Variants in NARS1 observed in about 807,000 individuals in gnomAD.
The protein encoded by NARS1 is asparagine--tRNA ligase, cytoplasmic.
A neutral mutation model predicts 79.2 loss-of-function variants in NARS1; 65 were observed. The ratio of observed to expected loss-of-function variants is 0.82; its 90% CI spans 0.67 to 1.01. The LOEUF (loss-of-function observed/expected upper bound fraction) is 1.01, where lower values mean the gene tolerates loss of function less well. NARS1 is among the 50% of genes least tolerant of loss of function. The pLI, the probability that NARS1 is intolerant of heterozygous loss-of-function variation, is 0.00. For synonymous variants in NARS1, 229 were observed against 238.8 expected (o/e 0.96, Z 0.38); for missense variants, 649 against 673.8 (o/e 0.96, Z 0.41).
chr18:57,606,531 CA>C, intron 10 of NARS1, 84 bp downstream of exon 10: 1 of 1,375,382 alleles, frequency 7.3e-7, no homozygotes, highest in Non-Finnish European at 1.0e-6. Flanking sequence ...ACCAAGCCAT[CA>C]AATCTACAAA....
At chr18:57,602,609 T>C (rs1312247333) in intron 12 of NARS1, 123 bp from the exon 13 acceptor site, 1 of 1,272,076 alleles carries the variant, frequency 7.9e-7, no homozygotes, top group African/African-American at 1.5e-5. Context: ...TATGATCATG[T>C]AATATTCAAA....
chr18:57,605,900 T>C lies in NARS1; in HGVS notation c.1208A>G (p.His403Arg), dbSNP rs756370846. The change falls in exon 11 of 14, where the codon CAT becomes CGT. Residue 403 changes from histidine to arginine, a missense_variant. Physicochemically the swap from His to Arg is conservative, Grantham distance 29. Transcript: ENST00000256854. ...AGTTCCATCTTCTTTCTTTACATCATGTTCTTTTAGCCAAACGATAGCATC... is the reference window on the plus strand; with the variant it reads ...AGTTCCATCTTCTTTCTTTACATCACGTTCTTTTAGCCAAACGATAGCATC... ...YSDAIVWLKE[H>R]DVKKEDGTFY... 18 of 1,613,110 alleles carry C rather than the reference T, an allele frequency of 1.1e-5. No homozygotes were observed. The highest frequency in any genetic ancestry group is 2.7e-5 in the African/African-American group (2 of 74,930).
In NARS1 at chr18:57,607,184, A is replaced by C. The variant is rs1398427098; in HGVS notation, c.951T>G (p.Ile317Met). 8 of 1,614,022 alleles carry C rather than the reference A, an allele frequency of 5.0e-6. No individual in the cohort carries two copies. The highest frequency in any genetic ancestry group is 6.8e-6 in the Non-Finnish European group (8 of 1,180,034). The part of the protein sequence containing the change: ...CLPALGDVFC[I>M]AQSYRAEQSR... ...ACTGCTCTGCCCGGTATGACTGAGC[A>C]ATACAAAAAACATCTCCCAGGGCTG... The change falls in exon 9 of 14, where the codon ATT becomes ATG. Residue 317 changes from isoleucine to methionine, a missense_variant. Physicochemically the swap from Ile to Met is conservative, Grantham distance 10 (BLOSUM62 1). Transcript: ENST00000256854.
At chr18:57,616,769 G>A (rs1043665852) in intron 2 of NARS1, among the ~76,000 whole-genome samples, 2 of 151,562 alleles carry the variant, frequency 1.3e-5, no homozygotes, top group East Asian at 1.9e-4. Context: ...CTGGGGGGCC[G>A]AGGAGGGAGG....
chr18:57,620,572 T>C lies in NARS1; in HGVS notation c.90A>G (p.Leu30=). The C allele has an allele frequency of 6.2e-7, 1 of 1,608,158 alleles. No individual in the cohort carries two copies. Among genetic ancestry groups the C allele is most frequent in the Non-Finnish European group, 8.5e-7 (1 of 1,175,178 alleles). The part of the protein sequence containing the change: ...GTKEKPFKTG[L]KALMTVGKEP... ...TCCTAATGAGAAGAGACTCTACCTT[T>C]AGACCTGTTTTAAATGGTTTCTCCT... The change falls in exon 2 of 14, where the codon CTA becomes CTG. Residue 30 remains leucine, a synonymous_variant. Coordinates refer to ENST00000256854, the MANE Select transcript of NARS1 (RefSeq NM_004539.4).
In NARS1 at chr18:57,606,763, G is replaced by C. The variant is rs775620989; in HGVS notation, c.1002-12C>G. 2 of 1,613,972 alleles carry C rather than the reference G, an allele frequency of 1.2e-6. No individual in the cohort carries two copies. Among genetic ancestry groups the C allele is most frequent in the African/African-American group, 2.7e-5 (2 of 74,908 alleles). ...CCACGTGAGTGTACCTGAAGAACGA[G>C]ACAATAGCTCAGCACTGCTTTTCTC... On this transcript the variant is annotated splice_polypyrimidine_tract_variant and intron_variant, in intron 9 of 13. Transcript: ENST00000256854.
intron 2 of NARS1, among the ~76,000 whole-genome samples, chr18:57,619,121 T>C (rs576059120): frequency 2.2e-4 from 33 of 152,134 alleles, no homozygotes; most frequent in African/African-American, 7.0e-4. Context: ...GAAGGAACTT[T>C]TTTGTTGTTG....
chr18:57,619,073 G>A (rs1264075063), intron 2 of NARS1, among the ~76,000 whole-genome samples: 2 of 152,068 alleles, frequency 1.3e-5, no homozygotes, highest in African/African-American at 4.8e-5. Context: ...CACAGAAAAA[G>A]GAGTGTCAAG....
chr18:57,621,792 C>G lies in NARS1; in HGVS notation c.-75G>C, dbSNP rs536793334. On this transcript the variant is annotated 5_prime_UTR_variant, in exon 1 of 14. Transcript: ENST00000256854. Reference sequence around the variant, plus strand: ...GCCGTCTTATGACTCCAACGTGCACCGGCGGTTTCCGCGATTCCGGCGTTG... The same window carrying G: ...GCCGTCTTATGACTCCAACGTGCACGGGCGGTTTCCGCGATTCCGGCGTTG... 1.2e-4 allele frequency: 197 copies of G among 1,608,954 alleles called. 1 individual carries two copies. The East Asian group carries it at 4.0e-3, about 33-fold the overall frequency.
chr18:57,616,024 T>A (rs937401764), intron 2 of NARS1, 49 bp from the exon 3 acceptor site: 1 of 1,473,710 alleles, frequency 6.8e-7, no homozygotes, highest in Non-Finnish European at 9.1e-7. Flanking sequence ...TGTACAATAC[T>A]TAAAATCAAA....
chr18:57,609,521 G>A, intron 6 of NARS1, 78 bp from the exon 7 acceptor site: 3 of 1,163,858 alleles, frequency 2.6e-6, no homozygotes, highest in Non-Finnish European at 3.8e-6. Context: ...TAAAGGGATT[G>A]TTTACAAACA....
chr18:57,612,606 T>C lies in NARS1; in HGVS notation c.422-899A>G, dbSNP rs369337556. 5.3e-5 allele frequency among the ~76,000 whole-genome samples: 8 copies of C among 152,274 alleles called. No individual in the cohort carries two copies. The East Asian group carries it at 1.2e-3, about 22-fold the overall frequency. On this transcript the variant is annotated intron_variant, in intron 5 of 13. Coordinates refer to ENST00000256854, the MANE Select transcript of NARS1 (RefSeq NM_004539.4). ...GCTCACAACCACACCCAGCTAATTT[T>C]TGTATTTTTATTAGAGAAGAGGTTT...
intron 10 of NARS1, 64 bp downstream of exon 10, chr18:57,606,552 T>C (rs369913400): frequency 6.6e-7 from 1 of 1,512,272 alleles, no homozygotes; most frequent in Non-Finnish European, 9.0e-7. Flanking sequence ...AAACTGAGGG[T>C]GAAGACTTCA....
chr18:57,615,595 C>T, intron 4 of NARS1, 46 bp downstream of exon 4: 1 of 1,328,040 alleles, frequency 7.5e-7, no homozygotes, highest in Non-Finnish European at 1.1e-6. Context: ...AAATAATGAT[C>T]TGATGTAGCC....
In NARS1 at chr18:57,606,678, A is replaced by C; in HGVS notation, c.1075T>G (p.Cys359Gly). 6.2e-7 allele frequency: 1 copy of C among 1,614,162 alleles called. No individual in the cohort carries two copies. Among genetic ancestry groups the C allele is most frequent in the Non-Finnish European group, 8.5e-7 (1 of 1,180,018 alleles). ...TTCAATATTCGATCTACCACATCAC[A>C]AACCAAGTCCTCCAACCGGTTCAGG... ...DLLNRLEDLV[C>G]DVVDRILKSP... Residue 359 changes from cysteine (C) to glycine (G), a missense_variant, in exon 10 of 14, where the codon TGT (cysteine) becomes GGT (glycine). Cys to Gly is a radical substitution (Grantham distance 159). Transcript: ENST00000256854.
At chr18:57,606,571 CA>C in intron 10 of NARS1, 44 bp downstream of exon 10, 1 of 1,574,708 alleles carries the variant, frequency 6.4e-7, no homozygotes, top group Non-Finnish European at 8.7e-7. Context: ...CATTGTCTTC[CA>C]AAAAAGGACT....
chr18:57,608,658 T>C (rs2051581715), intron 7 of NARS1, among the ~76,000 whole-genome samples: 1 of 152,206 alleles, frequency 6.6e-6, no homozygotes, highest in Non-Finnish European at 1.5e-5. Flanking sequence ...TTGTACAATG[T>C]ACATATTTCA....
At chr18:57,601,860 C>A (rs1168906255) in intron 13 of NARS1, 77 bp from the exon 14 acceptor site, 2 of 1,513,978 alleles carry the variant, frequency 1.3e-6, no homozygotes, top group East Asian at 2.3e-5. Context: ...TAAAATTTTC[C>A]ACCATGAAAG....
Position 57,602,917 on chromosome 18 carries a change from C to T in NARS1, c.1278G>A (p.Leu426=), listed in dbSNP as rs749750434. Residue 426 remains leucine (L), a synonymous_variant, in exon 12 of 14, where the codon CTG becomes CTA. Transcript: ENST00000256854. ...TTGGTTCATTAATGGTGTCTGTCAT[C>T]AGTCTCTCAGGAGCTTCTGGGATAT... ...GEDIPEAPER[L]MTDTINEPIL... is the part of the protein sequence containing the mutation. 1.9e-6 allele frequency: 3 copies of T among 1,614,108 alleles called. No homozygotes were observed. The highest frequency in any genetic ancestry group is 1.7e-5 in the Admixed American group (1 of 60,018).
Sources: allele counts gnomAD v4.1 joint callset (sites outside exome capture counted in the v4.1 genomes callset), GRCh38; gene constraint gnomAD v4.1.1; transcripts MANE v1.5; gene names NCBI Gene and HGNC (gene_info 2026-07-23, HGNC 2026-07-21).